PCBD2: variants seen among roughly 807,000 people sequenced by gnomAD.
PCBD2 encodes pterin-4 alpha-carbinolamine dehydratase 2, also known as pterin-4-alpha-carbinolamine dehydratase 2.
A neutral mutation model predicts 16.4 loss-of-function variants in PCBD2; 12 were observed. The ratio of observed to expected loss-of-function variants is 0.73; its 90% confidence interval spans 0.47 to 1.19. The LOEUF is 1.19. Ranked by LOEUF, PCBD2 falls within the 50% of genes most tolerant of loss-of-function variation. The probability of loss-of-function intolerance (pLI) is 0.00; values close to 1 mark genes in which losing one functional copy is unlikely to be tolerated. For synonymous variants in PCBD2, 58 were observed against 61.8 expected, an observed-to-expected ratio of 0.94 and a Z score of 0.29; for missense variants, 138 against 156.8, an observed-to-expected ratio of 0.88 and a Z score of 0.64.
At chr5:134,940,964 A>G (rs1307144516) in intron 2 of PCBD2, among the ~76,000 whole-genome samples, 1 of 152,042 alleles carries the variant, frequency 6.6e-6, no homozygotes, top group African/African-American at 2.4e-5. Flanking sequence ...TACTAAAAGT[A>G]CAAAAATTAG....
chr5:134,924,255 A>G, intron 2 of PCBD2: 1 of 393,980 alleles, frequency 2.5e-6, no homozygotes, highest in Non-Finnish European at 4.5e-6. Flanking sequence ...TATTATTCTG[A>G]ATTACGGGGG....
intron 2 of PCBD2, among the ~76,000 whole-genome samples, chr5:134,911,329 T>C (rs1750766328): frequency 6.6e-6 from 1 of 152,182 alleles, no homozygotes; most frequent in Non-Finnish European, 1.5e-5. Flanking sequence ...CCCTTGGAAG[T>C]CAGCTTTAAC....
At chr5:134,925,873 C>A in intron 2 of PCBD2, 1 of 393,526 alleles carries the variant, frequency 2.5e-6, no homozygotes, top group South Asian at 1.3e-4. Context: ...TTGTGGGTCT[C>A]ATGAGTTGGA....
chr5:134,930,067 A>G (rs565495251), intron 2 of PCBD2, among the ~76,000 whole-genome samples: 1 of 152,338 alleles, frequency 6.6e-6, no homozygotes, highest in Admixed American at 6.5e-5. Context: ...GCTAGAAAGG[A>G]TGGGGCAACT....
At chr5:134,934,847 C>CTTAAA (rs1561911815) in intron 2 of PCBD2, among the ~76,000 whole-genome samples, 1 of 152,176 alleles carries the variant, frequency 6.6e-6, no homozygotes, top group Non-Finnish European at 1.5e-5. Flanking sequence ...ATCACAGCAG[C>CTTAAA]TTACCATAAA....
chr5:134,938,899 A>T (rs1257222801), intron 2 of PCBD2, among the ~76,000 whole-genome samples: 1 of 152,220 alleles, frequency 6.6e-6, no homozygotes. Context: ...CATTTTAGCC[A>T]TAATTTTTTA....
intron 2 of PCBD2, among the ~76,000 whole-genome samples, chr5:134,942,366 CT>C (rs1285826608): frequency 6.6e-6 from 1 of 152,092 alleles, no homozygotes; most frequent in African/African-American, 2.4e-5. Flanking sequence ...CCTCAGTTCT[CT>C]TCTCTGTAAA....
chr5:134,946,903 C>T (rs1751301849), intron 2 of PCBD2, among the ~76,000 whole-genome samples: 1 of 151,970 alleles, frequency 6.6e-6, no homozygotes, highest in African/African-American at 2.4e-5. Flanking sequence ...GCCCTTTTGC[C>T]TTCTCTCTCT....
intron 2 of PCBD2, chr5:134,927,662 T>C (rs1201551598): frequency 2.5e-6 from 1 of 398,022 alleles, no homozygotes; most frequent in Non-Finnish European, 4.4e-6. Flanking sequence ...TGGGGATAAG[T>C]GTGGTTTCGA....
chr5:134,944,687 C>A (rs771853594), intron 2 of PCBD2, among the ~76,000 whole-genome samples: 1 of 152,140 alleles, frequency 6.6e-6, no homozygotes, highest in Non-Finnish European at 1.5e-5. Context: ...CTTATAAACC[C>A]TTGACATTGT....
chr5:134,915,241 G>T (rs1303921232), intron 2 of PCBD2, among the ~76,000 whole-genome samples: 1 of 150,226 alleles, frequency 6.7e-6, no homozygotes, highest in Non-Finnish European at 1.5e-5. Context: ...CTTGAACCTG[G>T]GAGGCGGAGG....
chr5:134,915,379 C>T (rs1420663927), intron 2 of PCBD2, among the ~76,000 whole-genome samples: 1 of 149,984 alleles, frequency 6.7e-6, no homozygotes, highest in East Asian at 1.9e-4. Context: ...AAATATTGTT[C>T]TGCATGTATG....
chr5:134,927,453 A>G (rs1236270371), intron 2 of PCBD2: 2 of 398,240 alleles, frequency 5.0e-6, no homozygotes, highest in Non-Finnish European at 8.8e-6. Context: ...CGCTAGCCAT[A>G]TTAAGTTATT....
intron 2 of PCBD2, among the ~76,000 whole-genome samples, chr5:134,956,418 GCCAGTGGTCAAAGATTTGAGGA>G (rs1402527105): frequency 6.6e-6 from 1 of 152,194 alleles, no homozygotes; most frequent in African/African-American, 2.4e-5. Context: ...CTGATGGCAT[GCCAGTGGTCAAAGATTTGAGGA>G]CCACTTCTGT....
At chr5:134,951,414 T>TC (rs1751357538) in intron 2 of PCBD2, among the ~76,000 whole-genome samples, 1 of 152,182 alleles carries the variant, frequency 6.6e-6, no homozygotes, top group Admixed American at 6.5e-5. Flanking sequence ...ATCTTTCTAA[T>TC]CAGTTCCCTG....
At chr5:134,927,379 G>A (rs1339902045) in intron 2 of PCBD2, 2 of 398,252 alleles carry the variant, frequency 5.0e-6, no homozygotes, top group Non-Finnish European at 8.8e-6. Flanking sequence ...GCTTCGACAT[G>A]GGCTTTAGGG....
At chr5:134,929,197 A>G (rs1324225481) in intron 2 of PCBD2, among the ~76,000 whole-genome samples, 1 of 152,044 alleles carries the variant, frequency 6.6e-6, no homozygotes, top group Non-Finnish European at 1.5e-5. Context: ...TGTTAGATAA[A>G]TGGAAAAAGG....
chr5:134,913,294 G>T (rs1750789812), intron 2 of PCBD2, among the ~76,000 whole-genome samples: 1 of 152,200 alleles, frequency 6.6e-6, no homozygotes, highest in African/African-American at 2.4e-5. Flanking sequence ...AGTGGAGGGG[G>T]ACAGAGGCAC....
intron 2 of PCBD2, among the ~76,000 whole-genome samples, chr5:134,956,266 A>G (rs1459523905): frequency 3.3e-5 from 3 of 89,976 alleles, no homozygotes; most frequent in Non-Finnish European, 2.2e-5. Flanking sequence ...TACAAATTTG[A>G]GGGGTTTTGA....
Sources: allele counts gnomAD v4.1 joint callset (sites outside exome capture counted in the v4.1 genomes callset), GRCh38; gene constraint gnomAD v4.1.1; transcripts MANE v1.5; gene names NCBI Gene and HGNC (gene_info 2026-07-23, HGNC 2026-07-21).